FLT3: variants seen among roughly 807,000 people sequenced by gnomAD.
FLT3 encodes the protein fms related receptor tyrosine kinase 3.
FLT3 carries 46 observed loss-of-function variants against 126.6 expected under a neutral mutation model. The observed-to-expected ratio is 0.36, with a 90% CI of 0.29 to 0.46. The LOEUF is 0.46. Ranked by LOEUF, FLT3 falls within the 20% of genes least tolerant of loss-of-function variation. The pLI is 1.00. For synonymous variants in FLT3, 404 were observed against 434.4 expected (o/e 0.93, Z 0.87); for missense variants, 1,069 against 1,190.3 (o/e 0.90, Z 1.50).
Position 28,037,240 on chromosome 13 carries a change from G to T in FLT3, c.1254C>A (p.Phe418Leu). Residue 418 changes from phenylalanine (F) to leucine (L), a missense_variant, in exon 10 of 24, where the codon TTC becomes TTA. Transcript: ENST00000241453. ...NHKHQPGEYI[F>L]HAENDDAQFT... ...ATTGGGCATCATCATTTTCTGCATG[G>T]AATATATATTCTCCTGGCTGGTGCT... 6.2e-7 allele frequency: 1 copy of T among 1,611,900 alleles called. No individual in the cohort carries two copies. Among genetic ancestry groups the T allele is most frequent in the Non-Finnish European group, 8.5e-7 (1 of 1,178,138 alleles).
chr13:28,092,811 G>T (rs1879200520), intron 1 of FLT3, among the ~76,000 whole-genome samples: 1 of 148,236 alleles, frequency 6.7e-6, no homozygotes, highest in African/African-American at 2.5e-5. Context: ...AAATCTGAAG[G>T]TCGCAATTAA....
intron 23 of FLT3, among the ~76,000 whole-genome samples, chr13:28,013,065 G>A (rs1439973467): frequency 6.6e-6 from 1 of 152,128 alleles, no homozygotes; most frequent in Non-Finnish European, 1.5e-5. Flanking sequence ...ACAGTTTATA[G>A]GTATCTGTGC....
At chr13:28,005,195 G>A (rs150716317) in intron 23 of FLT3, among the ~76,000 whole-genome samples, 5,351 of 152,218 alleles carry the variant, frequency 0.035, 281 homozygotes, top group African/African-American at 0.12. Context: ...CGGGCATGGC[G>A]GCGCGCGCCT....
rs1359939323 is a variant in FLT3 at position 28,071,181 on chromosome 13, T to C, written c.44-569A>G. Among the ~76,000 whole-genome samples the C allele has an allele frequency of 6.0e-5, 9 of 150,964 alleles. No individual in the cohort carries two copies. In the East Asian group the frequency reaches 1.6e-3, roughly 26 times the overall value. On this transcript the variant is annotated intron_variant, in intron 1 of 23. Transcript: ENST00000241453. Reference sequence around the variant, plus strand: ...GGCTAATTTTCTTTCTTTTTTTTTTTGTATTTTTAGTAGAGACGGGGTATC... The same window carrying C: ...GGCTAATTTTCTTTCTTTTTTTTTTCGTATTTTTAGTAGAGACGGGGTATC...
intron 1 of FLT3, among the ~76,000 whole-genome samples, chr13:28,088,584 C>CTTTTTT (rs34680883): frequency 2.9e-5 from 3 of 103,358 alleles, no homozygotes; most frequent in African/African-American, 3.8e-5. Flanking sequence ...CATCCAAAAC[C>CTTTTTT]TTTTTTTTTT....
chr13:28,057,484 T>C (rs774344038), intron 3 of FLT3, 22 bp from the exon 4 acceptor site: 1 of 1,118,294 alleles, frequency 8.9e-7, no homozygotes, highest in Admixed American at 1.7e-5. Context: ...GAAAGAGAAC[T>C]AGTTATTTTG....
In FLT3 at chr13:28,057,345, A is replaced by C. The variant is rs1006403817; in HGVS notation, c.484+2T>G. 3.3e-6 allele frequency: 4 copies of C among 1,226,496 alleles called. No homozygotes were observed. The highest frequency in any genetic ancestry group is 4.8e-6 in the Non-Finnish European group (4 of 825,912). 76.0% of individuals were successfully genotyped at this position (1,226,496 alleles called of 1,614,324 possible). On this transcript the variant is annotated splice_donor_variant, in intron 4 of 23. Transcript: ENST00000241453. LOFTEE classifies it high-confidence loss of function. Reference sequence around the variant, plus strand: ...GGAATACTAGTAGCAGGCTGGACTTACTTCTTATACTCACTGTAAACAATA... The same window carrying C: ...GGAATACTAGTAGCAGGCTGGACTTCCTTCTTATACTCACTGTAAACAATA...
intron 4 of FLT3, 58 bp from the exon 5 acceptor site, chr13:28,052,732 C>T: frequency 8.0e-7 from 1 of 1,253,670 alleles, no homozygotes; most frequent in Non-Finnish European, 1.1e-6. Context: ...TCTTAGCAGC[C>T]CCTCAGAAAA....
chr13:28,018,432 G>C (rs1385590715), intron 20 of FLT3, 35 bp downstream of exon 20: 3 of 1,611,090 alleles, frequency 1.9e-6, no homozygotes, highest in Non-Finnish European at 2.5e-6. Flanking sequence ...ACACAAAATA[G>C]CCGTATAAAA....
chr13:28,019,624 G>A (rs2137628507), intron 19 of FLT3, among the ~76,000 whole-genome samples: 1 of 152,164 alleles, frequency 6.6e-6, no homozygotes, highest in African/African-American at 2.4e-5. Flanking sequence ...CCTGCACTTT[G>A]CCCACTTTAC....
intron 9 of FLT3, among the ~76,000 whole-genome samples, chr13:28,046,437 T>A (rs1268253926): frequency 1.3e-5 from 2 of 152,066 alleles, no homozygotes; most frequent in African/African-American, 4.8e-5. Flanking sequence ...AGAATGTGAG[T>A]CACAACTTCA....
In FLT3 at chr13:28,066,426, G is replaced by A. The variant is rs9513018; in HGVS notation, c.165+4065C>T. Reference sequence around the variant, plus strand: ...TTTGGAGAAGTGCTGAATTCCAGGGGTAAGGCAAGAAAAGAAAAATACAAG... The same window carrying A: ...TTTGGAGAAGTGCTGAATTCCAGGGATAAGGCAAGAAAAGAAAAATACAAG... On this transcript the variant is annotated intron_variant, in intron 2 of 23. Coordinates refer to ENST00000241453, the MANE Select transcript of FLT3 (RefSeq NM_004119.3). 3.3e-5 allele frequency among the ~76,000 whole-genome samples: 5 copies of A among 151,986 alleles called. No homozygotes were observed. In the East Asian group the frequency reaches 7.7e-4, roughly 23 times the overall value.
At chr13:28,055,564 T>C (rs1875930843) in intron 4 of FLT3, among the ~76,000 whole-genome samples, 1 of 152,264 alleles carries the variant, frequency 6.6e-6, no homozygotes, top group Admixed American at 6.5e-5. Context: ...ACTAAACCCT[T>C]TCCTCTTTTT....
chr13:28,076,118 T>C (rs979930659), intron 1 of FLT3, among the ~76,000 whole-genome samples: 2 of 152,200 alleles, frequency 1.3e-5, no homozygotes, highest in Non-Finnish European at 2.9e-5. Flanking sequence ...TTTTCTCATA[T>C]ACAATGCATT....
chr13:28,030,691 G>C (rs1294291019), intron 15 of FLT3, among the ~76,000 whole-genome samples: 3 of 151,698 alleles, frequency 2.0e-5, no homozygotes, highest in Non-Finnish European at 4.4e-5. Flanking sequence ...AATAGCAAGA[G>C]CTTGTCTCTA....
chr13:28,057,224 A>C, intron 4 of FLT3, 123 bp downstream of exon 4: 2 of 661,434 alleles, frequency 3.0e-6, no homozygotes. Flanking sequence ...TAATCAATCC[A>C]ACTACGTATC....
intron 15 of FLT3, among the ~76,000 whole-genome samples, chr13:28,033,234 G>A (rs560686688): frequency 1.3e-5 from 2 of 151,808 alleles, no homozygotes; most frequent in Non-Finnish European, 2.9e-5. Flanking sequence ...CAAGGAGGTC[G>A]AGGCTGCAGT....
At chr13:28,094,372 T>C (rs1191970135) in intron 1 of FLT3, among the ~76,000 whole-genome samples, 1 of 152,164 alleles carries the variant, frequency 6.6e-6, no homozygotes, top group Middle Eastern at 3.2e-3. Flanking sequence ...GACCTTATAA[T>C]GACAGCAGTA....
chr13:28,018,410 G>A (rs775693739), intron 20 of FLT3, 57 bp downstream of exon 20: 5 of 1,597,206 alleles, frequency 3.1e-6, no homozygotes, highest in South Asian at 1.1e-5. Flanking sequence ...TGTTTACCAT[G>A]ATAACGACAC....
Sources: gnomAD v4.1 joint callset for allele counts (sites outside exome capture counted in the v4.1 genomes callset) on GRCh38, gnomAD v4.1.1 for gene constraint, MANE v1.5 for transcripts, NCBI Gene and HGNC (gene_info 2026-07-23, HGNC 2026-07-21) for gene names.